Variants in CDH13 observed in about 807,000 individuals in gnomAD.
The protein encoded by CDH13 is cadherin-13.
In CDH13, 24 loss-of-function variants were observed where a neutral mutation model predicts 63.8. The observed-to-expected ratio is 0.38, with a 90% confidence interval of 0.27 to 0.53. The LOEUF is 0.53. CDH13 is among the 20% of genes least tolerant of loss of function. The pLI, the probability that CDH13 is intolerant of heterozygous loss-of-function variation, is 0.85. For missense variants in CDH13, 1,049 were observed against 903.1 expected (o/e 1.16, Z -2.07); for synonymous variants, 503 against 355.3 (o/e 1.42, Z -4.67).
At chr16:82,848,696 C>A (rs207476218) in intron 1 of CDH13, among the ~76,000 whole-genome samples, 1 of 152,070 alleles carries the variant, frequency 6.6e-6, no homozygotes, top group Admixed American at 6.6e-5. Context: ...TCCTTCTCCT[C>A]CAAACATCCT....
rs138209293 is a variant in CDH13, at chr16:83,685,876, T to A, written c.1538+7415T>A. Among the ~76,000 whole-genome samples, 13 of 152,254 alleles carry A rather than the reference T, an allele frequency of 8.5e-5. No homozygotes were observed. In the East Asian group the frequency reaches 2.5e-3, roughly 29 times the overall value. On this transcript the variant is annotated intron_variant, in intron 10 of 13. Transcript: ENST00000567109. ...TAGGGAATAGGGTGCCAGACCAAAC[T>A]AGGCCAAGATTTTCACAACGCCCTG... is the stretch of plus-strand genomic sequence containing the variant.
intron 3 of CDH13, among the ~76,000 whole-genome samples, chr16:83,063,182 G>C (rs1313983134): frequency 6.6e-6 from 1 of 152,100 alleles, no homozygotes; most frequent in Non-Finnish European, 1.5e-5. Flanking sequence ...GGCTGGCCTT[G>C]AACTCTTGAA....
At chr16:83,283,720 C>A (rs752406885) in intron 5 of CDH13, among the ~76,000 whole-genome samples, 1 of 152,120 alleles carries the variant, frequency 6.6e-6, no homozygotes, top group South Asian at 2.1e-4. Context: ...TTGCCATCAT[C>A]GGCCTCTCTG....
intron 1 of CDH13, among the ~76,000 whole-genome samples, chr16:82,668,645 G>T (rs1397709411): frequency 6.6e-6 from 1 of 152,174 alleles, no homozygotes; most frequent in Non-Finnish European, 1.5e-5. Flanking sequence ...ATTCCTTGGG[G>T]TAAGGTCTGG....
chr16:83,135,078 C>G (rs1305757377), intron 4 of CDH13, among the ~76,000 whole-genome samples: 5 of 152,164 alleles, frequency 3.3e-5, no homozygotes, highest in Non-Finnish European at 5.9e-5. Flanking sequence ...GAAGAATTTT[C>G]AAATTGGACT....
intron 7 of CDH13, among the ~76,000 whole-genome samples, chr16:83,489,079 A>C (rs970001559): frequency 6.6e-6 from 1 of 152,216 alleles, no homozygotes; most frequent in Non-Finnish European, 1.5e-5. Flanking sequence ...GCTTCTCACA[A>C]GATCCTTTCA....
chr16:83,250,400 A>G (rs1905379650), intron 5 of CDH13, among the ~76,000 whole-genome samples: 1 of 152,206 alleles, frequency 6.6e-6, no homozygotes. Flanking sequence ...TAGTTAGGGA[A>G]GATAGGATAA....
At chr16:82,858,785 TG>T (rs1428796368) in intron 2 of CDH13, 1 of 418,860 alleles carries the variant, frequency 2.4e-6, no homozygotes, top group East Asian at 3.5e-5. Context: ...TCATTTCCCC[TG>T]GGCAGATCCC....
intron 7 of CDH13, among the ~76,000 whole-genome samples, chr16:83,593,749 T>C (rs547554723): frequency 1.6e-4 from 24 of 152,238 alleles, no homozygotes; most frequent in African/African-American, 5.8e-4. Context: ...AGGCAGTGAA[T>C]TTTATCTCCC....
chr16:83,223,024 A>C (rs1274502479), intron 5 of CDH13, among the ~76,000 whole-genome samples: 1 of 151,426 alleles, frequency 6.6e-6, no homozygotes, highest in African/African-American at 2.4e-5. Flanking sequence ...TAATCTGGAC[A>C]ATCAGATATG....
intron 6 of CDH13, among the ~76,000 whole-genome samples, chr16:83,377,788 A>G (rs2091485284): frequency 6.6e-6 from 1 of 152,166 alleles, no homozygotes; most frequent in African/African-American, 2.4e-5. Flanking sequence ...AGACAAAGGC[A>G]AGAGAAGTGA....
chr16:82,817,730 A>G (rs893405401), intron 1 of CDH13, among the ~76,000 whole-genome samples: 1 of 152,126 alleles, frequency 6.6e-6, no homozygotes, highest in Non-Finnish European at 1.5e-5. Flanking sequence ...ACTTGAACTC[A>G]GGAGGCAGAG....
At chr16:83,385,428 C>A (rs2091653953) in intron 6 of CDH13, among the ~76,000 whole-genome samples, 2 of 152,206 alleles carry the variant, frequency 1.3e-5, no homozygotes, top group South Asian at 4.1e-4. Context: ...GTGGCCTGAT[C>A]ACTTTTCAGA....
intron 2 of CDH13, among the ~76,000 whole-genome samples, chr16:82,869,410 A>C (rs560111646): frequency 6.6e-6 from 1 of 152,174 alleles, no homozygotes; most frequent in Admixed American, 6.5e-5. Context: ...GAAGGGGTAG[A>C]ACAAGGAGTT....
At chr16:83,438,302 G>T (rs1445656742) in intron 6 of CDH13, among the ~76,000 whole-genome samples, 1 of 152,194 alleles carries the variant, frequency 6.6e-6, no homozygotes, top group Non-Finnish European at 1.5e-5. Flanking sequence ...GGACATTTTG[G>T]ATCACAGGGT....
At chr16:83,238,229 A>AC (rs894313759) in intron 5 of CDH13, among the ~76,000 whole-genome samples, 33 of 151,712 alleles carry the variant, frequency 2.2e-4, no homozygotes, top group African/African-American at 7.7e-4. Flanking sequence ...CATTTAAAAA[A>AC]AAAAGAGAGA....
chr16:83,127,550 C>T (rs1045771755), intron 4 of CDH13, among the ~76,000 whole-genome samples: 5 of 151,930 alleles, frequency 3.3e-5, no homozygotes, highest in Admixed American at 2.0e-4. Context: ...GCCAACGTGG[C>T]GAAACCCCGT....
intron 10 of CDH13, among the ~76,000 whole-genome samples, chr16:83,689,960 T>C (rs1904683774): frequency 6.6e-6 from 1 of 152,134 alleles, no homozygotes; most frequent in Non-Finnish European, 1.5e-5. Flanking sequence ...CCAAGGTGGG[T>C]GGATCACCTG....
At chr16:83,054,639 T>C (rs2030733785) in intron 3 of CDH13, among the ~76,000 whole-genome samples, 1 of 152,124 alleles carries the variant, frequency 6.6e-6, no homozygotes, top group African/African-American at 2.4e-5. Context: ...TATAGGTAAC[T>C]AAAACTACAG....
Sources: gnomAD v4.1 joint callset for allele counts (sites outside exome capture counted in the v4.1 genomes callset) on GRCh38, gnomAD v4.1.1 for gene constraint, MANE v1.5 for transcripts, NCBI Gene and HGNC (gene_info 2026-07-23, HGNC 2026-07-21) for gene names.